Variants in TRPM6 observed in about 807,000 individuals in gnomAD.
TRPM6 encodes transient receptor potential cation channel subfamily M member 6.
In TRPM6, 111 loss-of-function variants were observed where a neutral mutation model predicts 247.6. The ratio of observed to expected loss-of-function variants is 0.45; its 90% CI spans 0.38 to 0.52. TRPM6 has a LOEUF of 0.52. Ranked by LOEUF, TRPM6 falls within the 20% of genes least tolerant of loss-of-function variation. The pLI is 0.00. For synonymous variants in TRPM6, 892 were observed against 853.8 expected (o/e 1.04, Z -0.78); for missense variants, 2,126 against 2,421.5 (o/e 0.88, Z 2.56).
Position 74,763,141 on chromosome 9 carries a change from G to T in TRPM6, c.3537-7C>A. The T allele has an allele frequency of 6.2e-7, 1 of 1,606,806 alleles. No homozygotes were observed. Among genetic ancestry groups the T allele is most frequent in the Non-Finnish European group, 8.5e-7 (1 of 1,179,866 alleles). ...GAAGTACATCTCTGTAACCCTAGTG[G>T]TGAAGGAAGGGAGAAAACCAACAAG... On this transcript the variant is annotated splice_polypyrimidine_tract_variant and splice_region_variant and intron_variant, in intron 25 of 38. Transcript: ENST00000360774.
At chr9:74,878,470 C>G (rs1337528944) in intron 1 of TRPM6, among the ~76,000 whole-genome samples, 1 of 152,220 alleles carries the variant, frequency 6.6e-6, no homozygotes, top group Non-Finnish European at 1.5e-5. Flanking sequence ...AAAGCCTCCA[C>G]TAACAATCAC....
chr9:74,834,763 G>T (rs1216483093), intron 5 of TRPM6, among the ~76,000 whole-genome samples: 1 of 151,982 alleles, frequency 6.6e-6, no homozygotes, highest in Non-Finnish European at 1.5e-5. Context: ...CAAGGGACAT[G>T]AACTCATCCC....
At chr9:74,876,629 T>A (rs1831198761) in intron 1 of TRPM6, among the ~76,000 whole-genome samples, 1 of 152,232 alleles carries the variant, frequency 6.6e-6, no homozygotes. Flanking sequence ...AACTTCACTT[T>A]ACTATCGCTT....
At chr9:74,826,216 A>C (rs1214343090) in intron 7 of TRPM6, among the ~76,000 whole-genome samples, 1 of 152,350 alleles carries the variant, frequency 6.6e-6, no homozygotes, top group Non-Finnish European at 1.5e-5. Context: ...AGACGTAGAT[A>C]GTTCTTTTCA....
intron 13 of TRPM6, among the ~76,000 whole-genome samples, chr9:74,810,014 C>G (rs1491000597): frequency 1.4e-5 from 2 of 144,176 alleles, no homozygotes; most frequent in Non-Finnish European, 3.0e-5. Flanking sequence ...AAGGATATGT[C>G]TTCCTTTCAC....
rs546826589 is a variant in TRPM6, at chr9:74,739,004, T to C, written c.5570+363A>G. ...GTAACATGAGTTTATTCTTACAAAA[T>C]TCCTACTTTCTATAAGATATTGGGG... is the stretch of plus-strand genomic sequence containing the variant. On this transcript the variant is annotated intron_variant, in intron 35 of 38. Coordinates refer to ENST00000360774, the MANE Select transcript of TRPM6 (RefSeq NM_017662.5). Among the ~76,000 whole-genome samples, 6 of 152,322 alleles carry C rather than the reference T, an allele frequency of 3.9e-5. No individual in the cohort carries two copies. The South Asian group carries it at 1.2e-3, about 32-fold the overall frequency.
intron 18 of TRPM6, among the ~76,000 whole-genome samples, chr9:74,792,994 T>C (rs1827962919): frequency 6.6e-6 from 1 of 151,982 alleles, no homozygotes; most frequent in South Asian, 2.1e-4. Flanking sequence ...CTGCCTCTAC[T>C]AAAAATATAA....
chr9:74,844,490 C>T (rs1272509078), intron 3 of TRPM6, among the ~76,000 whole-genome samples: 1 of 152,208 alleles, frequency 6.6e-6, no homozygotes, highest in Admixed American at 6.5e-5. Context: ...CTGCTTCTTT[C>T]TTTAAACCTC....
intron 38 of TRPM6, among the ~76,000 whole-genome samples, chr9:74,727,106 T>C (rs1166545607): frequency 6.6e-6 from 1 of 152,044 alleles, no homozygotes; most frequent in African/African-American, 2.4e-5. Context: ...GAGCTCCCCC[T>C]ACCTCTAACT....
chr9:74,874,972 C>T (rs1225299446), intron 1 of TRPM6, among the ~76,000 whole-genome samples: 1 of 151,004 alleles, frequency 6.6e-6, no homozygotes, highest in East Asian at 2.0e-4. Context: ...GCCATATTGG[C>T]CAGGCTGGTC....
chr9:74,874,922 ATT>A (rs34049471), intron 1 of TRPM6, among the ~76,000 whole-genome samples: 4 of 142,814 alleles, frequency 2.8e-5, no homozygotes, highest in African/African-American at 2.6e-5. Context: ...TGCCCAGCTA[ATT>A]TTTTTTTTTT....
intron 38 of TRPM6, among the ~76,000 whole-genome samples, 175 bp from the exon 39 acceptor site, chr9:74,724,921 C>A (rs1176190024): frequency 4.6e-5 from 7 of 152,212 alleles, no homozygotes; most frequent in African/African-American, 1.7e-4. Flanking sequence ...CTTTCCCACC[C>A]CAATACCCCC....
chr9:74,727,611 C>A (rs79654491), intron 38 of TRPM6, among the ~76,000 whole-genome samples: 5,814 of 152,116 alleles, frequency 0.038, 359 homozygotes, highest in African/African-American at 0.13. Context: ...CATGATGCTT[C>A]CCTTCTGGGA....
At chr9:74,877,713 T>C (rs1831235757) in intron 1 of TRPM6, among the ~76,000 whole-genome samples, 1 of 152,222 alleles carries the variant, frequency 6.6e-6, no homozygotes, top group African/African-American at 2.4e-5. Context: ...AAAAATGCCC[T>C]GAGGAAAGGC....
chr9:74,835,060 A>G (rs1829679890), intron 5 of TRPM6, among the ~76,000 whole-genome samples: 1 of 152,162 alleles, frequency 6.6e-6, no homozygotes, highest in South Asian at 2.1e-4. Context: ...CCAACAGTGT[A>G]AAAGTGTTCC....
intron 1 of TRPM6, among the ~76,000 whole-genome samples, chr9:74,863,116 G>A (rs1437638258): frequency 2.0e-5 from 3 of 149,826 alleles, no homozygotes; most frequent in Admixed American, 6.7e-5. Flanking sequence ...GCACGATCTC[G>A]GCTCACTGCA....
chr9:74,812,301 T>C lies in TRPM6; in HGVS notation c.1441A>G (p.Thr481Ala), dbSNP rs554943583. 4 of 1,613,766 alleles carry C rather than the reference T, an allele frequency of 2.5e-6. No individual in the cohort carries two copies. In the African/African-American group the frequency reaches 5.3e-5, roughly 22 times the overall value. ...TIPRLEELYN[T>A]KQGPTNTLLH... The stretch of plus-strand genomic sequence containing the variant: ...TTGATGAAATGTTCCATACTCACTG[T>C]ATTGTAGAGCTCTTCCAGTCGAGGG... Residue 481 changes from threonine (T) to alanine (A), a missense_variant and splice_region_variant, in exon 12 of 39, where the codon ACA becomes GCA. Transcript: ENST00000360774.
intron 13 of TRPM6, 64 bp from the exon 14 acceptor site, chr9:74,808,238 C>A: frequency 6.3e-7 from 1 of 1,592,330 alleles, no homozygotes; most frequent in Non-Finnish European, 8.6e-7. Context: ...TCTTGCCATG[C>A]CATTAGAACA....
At chr9:74,797,267 T>G (rs987781258) in intron 17 of TRPM6, among the ~76,000 whole-genome samples, 2 of 152,220 alleles carry the variant, frequency 1.3e-5, no homozygotes, top group Non-Finnish European at 2.9e-5. Context: ...AGCCACGCTA[T>G]ATTGTTAAGT....
Sources: gnomAD v4.1 joint callset for allele counts (sites outside exome capture counted in the v4.1 genomes callset) on GRCh38, gnomAD v4.1.1 for gene constraint, MANE v1.5 for transcripts, NCBI Gene and HGNC (gene_info 2026-07-23, HGNC 2026-07-21) for gene names.